Variants in BPIFA3 observed in about 807,000 individuals in gnomAD.
BPIFA3 encodes the protein BPI fold-containing family A member 3.
Under a neutral mutation model 29.7 loss-of-function variants are expected in BPIFA3, and 32 were observed. That is an observed-to-expected ratio of 1.08 (90% CI 0.81 to 1.45). BPIFA3 has a LOEUF of 1.45. Ranked by LOEUF, BPIFA3 falls within the 40% of genes most tolerant of loss-of-function variation. The probability of loss-of-function intolerance (pLI) is 0.00; values close to 1 mark genes in which losing one functional copy is unlikely to be tolerated. For missense variants in BPIFA3, 323 were observed against 311.3 expected (o/e 1.04, Z -0.28); for synonymous variants, 112 against 113.7 (o/e 0.98, Z 0.10).
intron 1 of BPIFA3, among the ~76,000 whole-genome samples, chr20:33,220,097 T>TAA (rs879786771): frequency 9.0e-4 from 107 of 119,472 alleles, no homozygotes; most frequent in African/African-American, 2.9e-3. Context: ...CCCTGTCTCT[T>TAA]AAAAAAAAAA....
intron 1 of BPIFA3, among the ~76,000 whole-genome samples, chr20:33,218,796 T>C (rs536002233): frequency 6.6e-6 from 1 of 152,138 alleles, no homozygotes; most frequent in African/African-American, 2.4e-5. Flanking sequence ...ACTATTTTTC[T>C]ACTTTTTTTT....
intron 1 of BPIFA3, among the ~76,000 whole-genome samples, chr20:33,220,334 C>T (rs1174881464): frequency 6.7e-6 from 1 of 149,180 alleles, no homozygotes. Flanking sequence ...GGAGGCAGAG[C>T]TTGCAGTGAG....
chr20:33,227,452 C>A, intron 6 of BPIFA3, 86 bp from the exon 7 acceptor site: 2 of 1,145,992 alleles, frequency 1.7e-6, no homozygotes, highest in Non-Finnish European at 2.6e-6. Flanking sequence ...TGCCTTTGGT[C>A]ACCATGGATG....
intron 1 of BPIFA3, among the ~76,000 whole-genome samples, chr20:33,218,997 C>T (rs183111146): frequency 6.6e-6 from 1 of 152,242 alleles, no homozygotes; most frequent in African/African-American, 2.4e-5. Context: ...CGTCCACCTC[C>T]CAGGTTCAAG....
intron 1 of BPIFA3, 54 bp from the exon 2 acceptor site, chr20:33,223,757 C>A: frequency 6.4e-7 from 1 of 1,572,180 alleles, no homozygotes; most frequent in Non-Finnish European, 8.7e-7. Flanking sequence ...AATCCCAAGC[C>A]CCCCACCTTT....
intron 1 of BPIFA3, among the ~76,000 whole-genome samples, chr20:33,220,450 T>C (rs1010059062): frequency 2.0e-5 from 3 of 152,114 alleles, no homozygotes; most frequent in African/African-American, 7.2e-5. Context: ...AATTTGTTAA[T>C]TTAAAGAGAG....
At position 33,217,584 on chromosome 20, in the gene BPIFA3, C is replaced by T. The variant is rs1405715585; in HGVS notation, c.48C>T (p.Ala16=). Residue 16 remains alanine, a synonymous_variant, in exon 1 of 7, where the codon GCC becomes GCT. Coordinates refer to ENST00000375454, the MANE Select transcript of BPIFA3 (RefSeq NM_178466.5). ...WRLLIFLGLL[A]LPLAPHKQPW... ...TCCTCATCTTCCTCGGGTTGCTGGC[C>T]TTGCCCTTGGCACCACACAAGCAGC... is the stretch of plus-strand genomic sequence containing the variant. 4 of 1,614,190 alleles carry T rather than the reference C, an allele frequency of 2.5e-6. No homozygotes were observed. In the Admixed American group the frequency reaches 5.0e-5, roughly 20 times the overall value.
At chr20:33,224,043 G>A in intron 2 of BPIFA3, 82 bp downstream of exon 2, 2 of 1,530,610 alleles carry the variant, frequency 1.3e-6, no homozygotes, top group East Asian at 2.3e-5. Context: ...GGGGGCTGGG[G>A]AGGTGCAAGG....
chr20:33,220,155 T>G (rs1234205991), intron 1 of BPIFA3, among the ~76,000 whole-genome samples: 2 of 150,520 alleles, frequency 1.3e-5, no homozygotes, highest in African/African-American at 4.9e-5. Flanking sequence ...TCCCAGCACT[T>G]TGAGAGGCTG....
chr20:33,226,891 GCC>G (rs1158931404), intron 5 of BPIFA3, 37 bp from the exon 6 acceptor site: 3 of 1,613,464 alleles, frequency 1.9e-6, no homozygotes, highest in Non-Finnish European at 2.5e-6. Context: ...TCCTTTTCCA[GCC>G]CCTGGCCTGA....
intron 1 of BPIFA3, 59 bp downstream of exon 1, chr20:33,217,722 C>A: frequency 6.4e-7 from 1 of 1,559,322 alleles, no homozygotes; most frequent in Non-Finnish European, 8.7e-7. Context: ...GGGAAGGTGC[C>A]ATCTGGGCTC....
Position 33,223,922 on chromosome 20 carries a change from T to C in BPIFA3, c.239T>C (p.Leu80Pro). 1 of 1,614,196 alleles carries C rather than the reference T, an allele frequency of 6.2e-7. No individual in the cohort carries two copies. Among genetic ancestry groups the C allele is most frequent in the Non-Finnish European group, 8.5e-7 (1 of 1,180,018 alleles). ...GTGGCCCCAGGGCTGGTGGGCTGGC[T>C]AATCAGCGGCAGGAAACACCAGCAG... ...AQVAPGLVGW[L>P]ISGRKHQQQQ... Residue 80 changes from leucine (L) to proline (P), a missense_variant, in exon 2 of 7, where the codon CTA (leucine) becomes CCA (proline). Physicochemically the swap from Leu to Pro is moderately conservative, Grantham distance 98. Coordinates refer to ENST00000375454, the MANE Select transcript of BPIFA3 (RefSeq NM_178466.5).
intron 4 of BPIFA3, 118 bp from the exon 5 acceptor site, chr20:33,226,288 T>C: frequency 1.4e-6 from 1 of 738,986 alleles, no homozygotes; most frequent in Non-Finnish European, 2.3e-6. Flanking sequence ...ATGATACTTC[T>C]GGCATGGGGC....
At chr20:33,225,280 G>C in intron 4 of BPIFA3, 33 bp downstream of exon 4, 1 of 1,611,708 alleles carries the variant, frequency 6.2e-7, no homozygotes, top group Non-Finnish European at 8.5e-7. Flanking sequence ...CCAGAGCTGG[G>C]CCTCCTTCCT....
At chr20:33,221,149 ATT>A (rs11468471) in intron 1 of BPIFA3, among the ~76,000 whole-genome samples, 1,533 of 138,510 alleles carry the variant, frequency 0.011, 21 homozygotes, top group African/African-American at 0.036. Context: ...GTACTGTTAG[ATT>A]TTTTTTTTTT....
Position 33,217,354 on chromosome 20 carries a change from T to A in BPIFA3, c.-183T>A. The A allele has an allele frequency of 1.5e-6, 1 of 673,394 alleles. No homozygotes were observed. Among genetic ancestry groups the A allele is most frequent in the Non-Finnish European group, 2.3e-6 (1 of 433,378 alleles). 41.7% of individuals were successfully genotyped at this position (673,394 alleles called of 1,614,324 possible). A position where few individuals can be genotyped will look rare whatever the true frequency, so the allele number is the denominator to read the frequency against. Reference sequence around the variant, plus strand: ...AGGGTTCCACATGTTGCTCTCCCAATGTGAGCAAGCCCTGGTGGCAGCGCC... The same window carrying A: ...AGGGTTCCACATGTTGCTCTCCCAAAGTGAGCAAGCCCTGGTGGCAGCGCC... On this transcript the variant is annotated 5_prime_UTR_variant, in exon 1 of 7. The change abolishes an upstream ATG in the 5' untranslated region. Coordinates refer to ENST00000375454, the MANE Select transcript of BPIFA3 (RefSeq NM_178466.5).
chr20:33,223,888 T>C lies in BPIFA3; in HGVS notation c.205T>C (p.Ser69Pro), dbSNP rs1006604225. The C allele has an allele frequency of 1.2e-6, 2 of 1,614,032 alleles. No individual in the cohort carries two copies. Among genetic ancestry groups the C allele is most frequent in the African/African-American group, 2.7e-5 (2 of 74,924 alleles). The change falls in exon 2 of 7, where the codon TCA (serine) becomes CCA (proline). Residue 69 changes from serine (S) to proline (P), a missense_variant. Coordinates refer to ENST00000375454, the MANE Select transcript of BPIFA3 (RefSeq NM_178466.5). ...CCACTTTGGGGACAGACTGAATGCC[T>C]CAGCACAAGTGGCCCCAGGGCTGGT... ...NIHFGDRLNA[S>P]AQVAPGLVGW...
At chr20:33,219,478 A>G (rs1035085215) in intron 1 of BPIFA3, among the ~76,000 whole-genome samples, 3 of 152,198 alleles carry the variant, frequency 2.0e-5, no homozygotes, top group Admixed American at 6.5e-5. Context: ...TACCTCAGAC[A>G]TATTCTACTT....
intron 3 of BPIFA3, 149 bp from the exon 4 acceptor site, chr20:33,224,949 G>A: frequency 1.5e-6 from 1 of 679,502 alleles, no homozygotes; most frequent in Non-Finnish European, 2.5e-6. Context: ...CTGACTTCAG[G>A]ATTTAACTGG....
Sources: allele counts gnomAD v4.1 joint callset (sites outside exome capture counted in the v4.1 genomes callset), GRCh38; gene constraint gnomAD v4.1.1; transcripts MANE v1.5; gene names NCBI Gene and HGNC (gene_info 2026-07-23, HGNC 2026-07-21).